Variants in ANGPTL1 observed in about 807,000 individuals in gnomAD.
The protein encoded by ANGPTL1 is angiopoietin-related protein 1.
In ANGPTL1, 36 loss-of-function variants were observed where a neutral mutation model predicts 46.7. The observed-to-expected ratio is 0.77, with a 90% CI of 0.59 to 1.02. ANGPTL1 has a LOEUF of 1.02. Among genes scored for constraint, ANGPTL1 ranks in the 50% least tolerant of loss-of-function variants. The pLI is 0.00. For synonymous variants in ANGPTL1, 221 were observed against 204.3 expected (o/e 1.08, Z -0.69); for missense variants, 571 against 594.7 (o/e 0.96, Z 0.41).
At chr1:178,853,000 A>G in intron 4 of ANGPTL1, 47 bp from the exon 5 acceptor site, 1 of 1,549,564 alleles carries the variant, frequency 6.5e-7, no homozygotes, top group Non-Finnish European at 8.7e-7. Context: ...GTATAGAGAT[A>G]GTAAACATTT....
chr1:178,855,107 A>G (rs373721351), intron 3 of ANGPTL1, among the ~76,000 whole-genome samples: 1 of 152,098 alleles, frequency 6.6e-6, no homozygotes. Context: ...TTTCTGTACT[A>G]TAAGGATAAT....
intron 3 of ANGPTL1, among the ~76,000 whole-genome samples, chr1:178,855,319 A>G (rs376280376): frequency 1.4e-5 from 2 of 143,992 alleles, no homozygotes; most frequent in South Asian, 2.1e-4. Context: ...TTTTTACTTC[A>G]TATCATCAGT....
chr1:178,853,264 G>C lies in ANGPTL1; in HGVS notation c.1018-311C>G, dbSNP rs115780127. 8.8e-4 allele frequency: 842 copies of C among 958,214 alleles called. 9 individuals are homozygous for C. The African/African-American group carries it at 0.013, about 15-fold the overall frequency. The allele number at this position is 958,214 out of a possible 1,614,324, so 59.4% of individuals were successfully genotyped here. On this transcript the variant is annotated intron_variant, in intron 4 of 5. Coordinates refer to ENST00000234816, the MANE Select transcript of ANGPTL1 (RefSeq NM_004673.4). ...AAAATATTAGCTAGTATACTACCCA[G>C]ATCCTTAAAAAGGGTTCCTGGTCTC...
intron 3 of ANGPTL1, among the ~76,000 whole-genome samples, chr1:178,860,314 A>C (rs1215392641): frequency 2.6e-5 from 4 of 152,192 alleles, no homozygotes. Flanking sequence ...GTAGAGAAGA[A>C]GGTAATGTGT....
chr1:178,865,877 T>A, intron 2 of ANGPTL1, 75 bp from the exon 3 acceptor site: 2 of 885,248 alleles, frequency 2.3e-6, no homozygotes, highest in Non-Finnish European at 3.4e-6. Flanking sequence ...TCAGTAATCT[T>A]AAAAACTATC....
intron 1 of ANGPTL1, among the ~76,000 whole-genome samples, chr1:178,870,191 C>G (rs1292459851): frequency 1.3e-5 from 2 of 152,098 alleles, no homozygotes; most frequent in Non-Finnish European, 2.9e-5. Flanking sequence ...TAAATCTGTA[C>G]AAGAATTTCT....
intron 3 of ANGPTL1, among the ~76,000 whole-genome samples, chr1:178,860,290 AT>A (rs150317656): frequency 0.021 from 3,264 of 152,280 alleles, 41 homozygotes; most frequent in Middle Eastern, 0.041. Context: ...ATTCTCAAAC[AT>A]TTTGTTTTTA....
rs2102287583 is a variant in ANGPTL1 at position 178,850,053 on chromosome 1, A to G, written c.*1076T>C. The G allele has an allele frequency of 6.5e-6, 1 of 152,792 alleles. No individual in the cohort carries two copies. The highest frequency in any genetic ancestry group is 1.9e-4 in the East Asian group (1 of 5,192). 9.5% of individuals were successfully genotyped at this position (152,792 alleles called of 1,614,324 possible). Reference sequence around the variant, plus strand: ...AAGACACTGTGAGACTAAGCGTTACATACACTGTAAAATGAAATTAGCAGT... The same window carrying G: ...AAGACACTGTGAGACTAAGCGTTACGTACACTGTAAAATGAAATTAGCAGT... On this transcript the variant is annotated 3_prime_UTR_variant, in exon 6 of 6. Coordinates refer to ENST00000234816, the MANE Select transcript of ANGPTL1 (RefSeq NM_004673.4).
At chr1:178,863,762 G>GA (rs987633284) in intron 3 of ANGPTL1, among the ~76,000 whole-genome samples, 4 of 152,290 alleles carry the variant, frequency 2.6e-5, no homozygotes, top group Admixed American at 2.6e-4. Context: ...AGATGCCAGT[G>GA]AAGGACCTAA....
rs371994248 is a variant in ANGPTL1, at chr1:178,853,757, T to G, written c.854A>C (p.Glu285Ala). Residue 285 changes from glutamate (E) to alanine (A), a missense_variant, in exon 4 of 6, where the codon GAA (glutamate) becomes GCA (alanine). Transcript: ENST00000234816. ...GPFKDCQQAK[E>A]AGHSVSGIYM... ...AATCCCACTGACCGAATGCCCAGCT[T>G]CTTTTGCTTGCTGACAGTCTTTGAA... The G allele has an allele frequency of 7.7e-5, 124 of 1,602,296 alleles. No individual in the cohort carries two copies. Among genetic ancestry groups the G allele is most frequent in the Non-Finnish European group, 1.1e-4 (124 of 1,175,454 alleles).
rs1351945068 is a variant in ANGPTL1, at chr1:178,865,682, T to G, written c.95A>C (p.Asn32Thr). The change falls in exon 3 of 6, where the codon AAC (asparagine) becomes ACC (threonine). Residue 32 changes from asparagine (N) to threonine (T), a missense_variant. Coordinates refer to ENST00000234816, the MANE Select transcript of ANGPTL1 (RefSeq NM_004673.4). The stretch of plus-strand genomic sequence containing the variant: ...TGTGGCACGAGGGTATCTTCTCTGG[T>G]TTATTTTTTTAATTTTGAATTGTCC... ...RGGQFKIKKI[N>T]QRRYPRATDG... 2.5e-6 allele frequency: 4 copies of G among 1,614,056 alleles called. No individual in the cohort carries two copies. Among genetic ancestry groups the G allele is most frequent in the Non-Finnish European group, 3.4e-6 (4 of 1,179,952 alleles).
chr1:178,858,949 C>T (rs528666664), intron 3 of ANGPTL1, among the ~76,000 whole-genome samples: 3 of 152,224 alleles, frequency 2.0e-5, no homozygotes, highest in African/African-American at 7.2e-5. Context: ...TTATTGGTTA[C>T]CAAGTAGGAT....
At chr1:178,858,946 T>C (rs185345323) in intron 3 of ANGPTL1, among the ~76,000 whole-genome samples, 12 of 152,312 alleles carry the variant, frequency 7.9e-5, no homozygotes, top group Admixed American at 4.6e-4. Context: ...AAATTATTGG[T>C]TACCAAGTAG....
chr1:178,853,839 T>C, intron 3 of ANGPTL1, 52 bp from the exon 4 acceptor site: 1 of 1,412,874 alleles, frequency 7.1e-7, no homozygotes, highest in Non-Finnish European at 9.4e-7. Context: ...AGAAGAGACA[T>C]GTTAAAAGTT....
chr1:178,868,377 A>G (rs1011151659), intron 2 of ANGPTL1, among the ~76,000 whole-genome samples: 11 of 151,982 alleles, frequency 7.2e-5, no homozygotes, highest in Non-Finnish European at 1.5e-4. Context: ...TACCACTGCT[A>G]AAGTCCATTC....
rs117069651 is a variant in ANGPTL1 at position 178,864,596 on chromosome 1, G to T, written c.823+358C>A. Among the ~76,000 whole-genome samples the T allele has an allele frequency of 1.1e-4, 17 of 152,242 alleles. No homozygotes were observed. The East Asian group carries it at 2.5e-3, about 22-fold the overall frequency. ...CAGGAAGTAAATAAAAGAATTGTCG[G>T]GTAGCAGCGACGACCTAGCTAGAAG... On this transcript the variant is annotated intron_variant, in intron 3 of 5. Coordinates refer to ENST00000234816, the MANE Select transcript of ANGPTL1 (RefSeq NM_004673.4).
At chr1:178,853,886 A>C in intron 3 of ANGPTL1, 99 bp from the exon 4 acceptor site, 2 of 907,098 alleles carry the variant, frequency 2.2e-6, no homozygotes, top group Middle Eastern at 2.4e-4. Flanking sequence ...CTTTGTTTAC[A>C]GTTACCATTG....
At chr1:178,851,783 G>A (rs545896829) in intron 5 of ANGPTL1, among the ~76,000 whole-genome samples, 22 of 152,158 alleles carry the variant, frequency 1.4e-4, no homozygotes, top group Admixed American at 3.9e-4. Flanking sequence ...CTCTTTTCTC[G>A]TTTACCAGTG....
chr1:178,854,514 T>A (rs1202439716), intron 3 of ANGPTL1, among the ~76,000 whole-genome samples: 5 of 152,176 alleles, frequency 3.3e-5, no homozygotes, highest in Non-Finnish European at 5.9e-5. Context: ...CAACACTTAC[T>A]AACAGCCCAT....
Sources: allele counts gnomAD v4.1 joint callset (sites outside exome capture counted in the v4.1 genomes callset), GRCh38; gene constraint gnomAD v4.1.1; transcripts MANE v1.5; gene names NCBI Gene and HGNC (gene_info 2026-07-23, HGNC 2026-07-21).